Variants in TET2 observed in about 807,000 individuals in gnomAD.
TET2 encodes tet methylcytosine dioxygenase 2, also known as methylcytosine dioxygenase TET2.
TET2 carries 299 observed loss-of-function variants against 142.9 expected under a neutral mutation model. That is an observed-to-expected ratio of 2.09 (90% CI 1.90 to 2.30). TET2 has a LOEUF of 2.30. Among genes scored for constraint, TET2 ranks in the 30% most tolerant of loss-of-function variants. The pLI, the probability that TET2 is intolerant of heterozygous loss-of-function variation, is 0.00. For synonymous variants in TET2, 819 were observed against 849.0 expected (o/e 0.96, Z 0.61); for missense variants, 2,418 against 2,378.0 (o/e 1.02, Z -0.35).
intron 2 of TET2, among the ~76,000 whole-genome samples, chr4:105,215,854 G>A (rs1416079821): frequency 1.3e-5 from 2 of 152,150 alleles, no homozygotes; most frequent in Non-Finnish European, 1.5e-5. Flanking sequence ...TTTTTTAGCA[G>A]AGCAGTGTAG....
chr4:105,265,703 A>G (rs1179029603), intron 8 of TET2, among the ~76,000 whole-genome samples: 3 of 152,232 alleles, frequency 2.0e-5, no homozygotes, highest in Non-Finnish European at 4.4e-5. Context: ...TCTAGCCATG[A>G]TGGAGTAAAC....
chr4:105,260,014 T>G (rs188215411), intron 7 of TET2, among the ~76,000 whole-genome samples: 1 of 152,292 alleles, frequency 6.6e-6, no homozygotes, highest in East Asian at 1.9e-4. Context: ...TAAAGGGGTG[T>G]CACTTCATTG....
intron 2 of TET2, among the ~76,000 whole-genome samples, chr4:105,224,724 C>CTCTCTCTG (rs1728079057): frequency 1.3e-5 from 2 of 150,046 alleles, no homozygotes; most frequent in Non-Finnish European, 3.0e-5. Context: ...CTCTCTCTCT[C>CTCTCTCTG]TCTGTCTCGT....
chr4:105,243,890 T>C, intron 6 of TET2, 112 bp downstream of exon 6: 1 of 906,158 alleles, frequency 1.1e-6, no homozygotes, highest in Admixed American at 2.3e-5. Context: ...AAAATGGGCA[T>C]CAAAATGCCT....
chr4:105,200,720 A>G (rs1726409633), intron 2 of TET2, among the ~76,000 whole-genome samples: 1 of 151,630 alleles, frequency 6.6e-6, no homozygotes, highest in African/African-American at 2.4e-5. Context: ...GAGTGTGGTG[A>G]TACAATCTTG....
intron 6 of TET2, among the ~76,000 whole-genome samples, chr4:105,258,148 T>C (rs1730234780): frequency 6.6e-6 from 1 of 152,184 alleles, no homozygotes; most frequent in Non-Finnish European, 1.5e-5. Context: ...TGTCTTTTTT[T>C]CCCTTGAACA....
At chr4:105,208,710 C>T (rs549121042) in intron 2 of TET2, among the ~76,000 whole-genome samples, 70 of 152,128 alleles carry the variant, frequency 4.6e-4, no homozygotes, top group African/African-American at 1.6e-3. Flanking sequence ...GGTGAGTAGT[C>T]AGTGTTTCCA....
At position 105,277,033 on chromosome 4, in the gene TET2, AT is replaced by A; in HGVS notation, c.*515del. 4.3e-6 allele frequency: 1 copy of A among 232,680 alleles called. No homozygotes were observed. 14.4% of individuals were successfully genotyped at this position (232,680 alleles called of 1,614,324 possible). A position where few individuals can be genotyped will look rare whatever the true frequency, so the allele number is the denominator to read the frequency against. On this transcript the variant is annotated 3_prime_UTR_variant, in exon 11 of 11. Coordinates refer to ENST00000380013, the MANE Select transcript of TET2 (RefSeq NM_001127208.3). The stretch of plus-strand genomic sequence containing the variant: ...TTTTTGAAATGCAGTTTTTACTGTA[AT>A]CTTAACTTTTATTTATCAAAATAGC...
chr4:105,237,123 CCAGT>C lies in TET2; in HGVS notation c.3184_3187del (p.Val1062GlnfsTer3). On this transcript the variant is annotated frameshift_variant, in exon 3 of 11. Coordinates refer to ENST00000380013, the MANE Select transcript of TET2 (RefSeq NM_001127208.3). LOFTEE classifies it high-confidence loss of function. ...GCAAGTAAAAGTTGAAATGTCAGGG[CCAGT>C]CACAGTTTTGACTAGACAAACCACT... The C allele has an allele frequency of 6.2e-7, 1 of 1,614,122 alleles. No individual in the cohort carries two copies. Among genetic ancestry groups the C allele is most frequent in the Admixed American group, 1.7e-5 (1 of 60,016 alleles).
rs780131139 is a variant in TET2, at chr4:105,275,456, A to G, written c.4946A>G (p.Tyr1649Cys). 25 of 1,551,508 alleles carry G rather than the reference A, an allele frequency of 1.6e-5. No individual in the cohort carries two copies. The highest frequency in any genetic ancestry group is 5.9e-5 in the Admixed American group (3 of 50,964). The change falls in exon 11 of 11, where the codon TAT (tyrosine) becomes TGT (cysteine). Residue 1649 changes from tyrosine (Y) to cysteine (C), a missense_variant. Transcript: ENST00000380013. ...AACTGCTCCCCATATCTGGGTTCCTATTCTCCCCAGTCTCAGCCGATGGAT... is the reference window on the plus strand; with the variant it reads ...AACTGCTCCCCATATCTGGGTTCCTGTTCTCCCCAGTCTCAGCCGATGGAT... ...VDNCSPYLGS[Y>C]SPQSQPMDLY...
intron 3 of TET2, chr4:105,239,081 T>TGTG (rs1553914846): frequency 2.2e-5 from 5 of 226,016 alleles, no homozygotes; most frequent in East Asian, 1.3e-4. Flanking sequence ...TTTGTTTTTT[T>TGTG]TTTTTGTTTT....
intron 1 of TET2, among the ~76,000 whole-genome samples, chr4:105,179,115 C>T (rs1724974279): frequency 6.6e-6 from 1 of 152,304 alleles, no homozygotes; most frequent in South Asian, 2.1e-4. Context: ...ATTACTTCCA[C>T]CTGGTCTCTG....
chr4:105,270,359 A>G (rs183428611), intron 9 of TET2, among the ~76,000 whole-genome samples: 11 of 152,308 alleles, frequency 7.2e-5, no homozygotes, highest in African/African-American at 2.6e-4. Flanking sequence ...CTTGGTGTTA[A>G]TCTAAACCAG....
rs750391694 is a variant in TET2 at position 105,235,393 on chromosome 4, G to C, written c.1451G>C (p.Cys484Ser). ...PMLSERPQNN[C>S]VNRNDIQTAG... The stretch of plus-strand genomic sequence containing the variant: ...CTTTCTGAAAGGCCTCAGAATAATT[G>C]TGTGAACAGGAATGACATACAGACT... Residue 484 changes from cysteine to serine, a missense_variant, in exon 3 of 11, where the codon TGT (cysteine) becomes TCT (serine). Physicochemically the swap from Cys to Ser is moderately radical, Grantham distance 112. Transcript: ENST00000380013. 1 of 1,614,052 alleles carries C rather than the reference G, an allele frequency of 6.2e-7. No homozygotes were observed. Among genetic ancestry groups the C allele is most frequent in the African/African-American group, 1.3e-5 (1 of 74,920 alleles).
rs1021540455 is a variant in TET2, at chr4:105,278,850, G to C, written c.*2331G>C. 2.1e-5 allele frequency: 5 copies of C among 232,968 alleles called. No individual in the cohort carries two copies. Among genetic ancestry groups the C allele is most frequent in the Non-Finnish European group, 4.2e-5 (5 of 117,908 alleles). The allele number at this position is 232,968 out of a possible 1,614,324, so 14.4% of individuals were successfully genotyped here. A position where few individuals can be genotyped will look rare whatever the true frequency, so the allele number is the denominator to read the frequency against. ...GTAACTCTCTAAATGAAGTTTTTTT[G>C]ATCCTGTAATCACTGAAGGTACATA... On this transcript the variant is annotated 3_prime_UTR_variant, in exon 11 of 11. Coordinates refer to ENST00000380013, the MANE Select transcript of TET2 (RefSeq NM_001127208.3).
chr4:105,199,772 A>C (rs1160367159), intron 2 of TET2, among the ~76,000 whole-genome samples: 1 of 152,146 alleles, frequency 6.6e-6, no homozygotes, highest in Non-Finnish European at 1.5e-5. Flanking sequence ...GCTCCCACTT[A>C]TAAGTGAGAA....
chr4:105,193,626 G>T (rs1396667632), intron 2 of TET2, among the ~76,000 whole-genome samples: 1 of 152,088 alleles, frequency 6.6e-6, no homozygotes, highest in Non-Finnish European at 1.5e-5. Flanking sequence ...AAAATCATGA[G>T]GATTTATTTG....
chr4:105,185,941 A>G (rs986646215), intron 1 of TET2, among the ~76,000 whole-genome samples: 4 of 151,864 alleles, frequency 2.6e-5, no homozygotes, highest in Non-Finnish European at 5.9e-5. Flanking sequence ...AAAAATGTAG[A>G]TATGGCTGGG....
At position 105,235,410 on chromosome 4, in the gene TET2, A is replaced by G; in HGVS notation, c.1468A>G (p.Ile490Val). 6.2e-7 allele frequency: 1 copy of G among 1,614,226 alleles called. No individual in the cohort carries two copies. The highest frequency in any genetic ancestry group is 1.6e-4 in the Middle Eastern group (1 of 6,062). ...PQNNCVNRND[I>V]QTAGTMTVPL... ...GAATAATTGTGTGAACAGGAATGAC[A>G]TACAGACTGCAGGGACAATGACTGT... Residue 490 changes from isoleucine to valine, a missense_variant, in exon 3 of 11, where the codon ATA (isoleucine) becomes GTA (valine). Ile to Val is a conservative substitution (Grantham distance 29, BLOSUM62 3). Transcript: ENST00000380013.
Sources: allele counts gnomAD v4.1 joint callset (sites outside exome capture counted in the v4.1 genomes callset), GRCh38; gene constraint gnomAD v4.1.1; transcripts MANE v1.5; gene names NCBI Gene and HGNC (gene_info 2026-07-23, HGNC 2026-07-21).